Variants in PLCZ1 observed in about 807,000 individuals in gnomAD.
PLCZ1 encodes the protein 1-phosphatidylinositol 4,5-bisphosphate phosphodiesterase zeta-1.
Under a neutral mutation model 76.8 loss-of-function variants are expected in PLCZ1, and 64 were observed. The ratio of observed to expected loss-of-function variants is 0.83; its 90% CI spans 0.68 to 1.03. The LOEUF is 1.03. Ranked by LOEUF, PLCZ1 falls within the 50% of genes least tolerant of loss-of-function variation. The pLI, the probability that PLCZ1 is intolerant of heterozygous loss-of-function variation, is 0.00. For missense variants in PLCZ1, 751 were observed against 713.7 expected, an observed-to-expected ratio of 1.05 and a Z score of -0.60; for synonymous variants, 248 against 230.8, an observed-to-expected ratio of 1.07 and a Z score of -0.68.
At position 18,688,553 on chromosome 12, in the gene PLCZ1, CAT is replaced by C. The variant is rs138210697; in HGVS notation, c.1462-337_1462-336del. Among the ~76,000 whole-genome samples the C allele has an allele frequency of 2.9e-3, 420 of 146,232 alleles. 2 individuals are homozygous for C. Among genetic ancestry groups the C allele is most frequent in the African/African-American group, 6.6e-3 (264 of 40,264 alleles). On this transcript the variant is annotated intron_variant, in intron 12 of 14. Transcript: ENST00000266505. ...TCTGATAACGTACTGTTTTTGAATT[CAT>C]ATATATATATATATATGCTGGAAAA...
At position 18,684,112 on chromosome 12, in the gene PLCZ1, A is replaced by G; in HGVS notation, c.1741+18T>C. On this transcript the variant is annotated intron_variant, in intron 14 of 14. Transcript: ENST00000266505. ...TATTTAAATGCTGGTACAATCATCTAACTTTTAGGGACATTACCTTTGTTC... is the reference window on the plus strand; with the variant it reads ...TATTTAAATGCTGGTACAATCATCTGACTTTTAGGGACATTACCTTTGTTC... 6.2e-7 allele frequency: 1 copy of G among 1,610,148 alleles called. No homozygotes were observed.
At chr12:18,693,828 T>C (rs1397497767) in intron 12 of PLCZ1, 12 of 1,529,936 alleles carry the variant, frequency 7.8e-6, no homozygotes, top group Non-Finnish European at 1.1e-5. Context: ...GGCAGGAAGA[T>C]TGAGTTCCCC....
the PLCZ1 span, among the ~76,000 whole-genome samples, chr12:18,667,777 G>A: frequency 6.6e-6 from 1 of 152,240 alleles, no homozygotes; most frequent in South Asian, 2.1e-4. Flanking sequence ...GTTAAGAAAT[G>A]TCCTTGAGCC....
At chr12:18,678,765 T>G (rs1437765898), downstream of PLCZ1, among the ~76,000 whole-genome samples, 2 of 152,104 alleles carry the variant, frequency 1.3e-5, no homozygotes, top group Non-Finnish European at 2.9e-5. Flanking sequence ...TTGGGCTGTT[T>G]CCAGTTTGGG....
rs139415101 is a variant in PLCZ1, at chr12:18,692,988, T to C, written c.1461+1922A>G. On this transcript the variant is annotated intron_variant, in intron 12 of 14. Coordinates refer to ENST00000266505, the MANE Select transcript of PLCZ1 (RefSeq NM_033123.4). Reference sequence around the variant, plus strand: ...ACTGAAGTTAGAGAGAATTAAAGACTATCTTCTCATGGAGGAAGAATTCAT... The same window carrying C: ...ACTGAAGTTAGAGAGAATTAAAGACCATCTTCTCATGGAGGAAGAATTCAT... 1.2e-5 allele frequency: 16 copies of C among 1,383,168 alleles called. No homozygotes were observed. In the African/African-American group the frequency reaches 1.4e-4, roughly 12 times the overall value. The allele number at this position is 1,383,168 out of a possible 1,614,324, so 85.7% of individuals were successfully genotyped here.
chr12:18,678,760 C>T (rs1277074609), downstream of PLCZ1, among the ~76,000 whole-genome samples: 2 of 152,054 alleles, frequency 1.3e-5, no homozygotes, highest in Admixed American at 6.6e-5. Context: ...AACATTTGGG[C>T]TGTTTCCAGT....
downstream of PLCZ1, among the ~76,000 whole-genome samples, chr12:18,680,521 A>G (rs1404454345): frequency 1.3e-5 from 2 of 152,030 alleles, no homozygotes; most frequent in Non-Finnish European, 2.9e-5. Flanking sequence ...AAAAGTCCAG[A>G]TAAGTCTGGG....
chr12:18,719,798 G>A (rs958605554), intron 4 of PLCZ1, among the ~76,000 whole-genome samples, 166 bp from the exon 5 acceptor site: 1 of 151,900 alleles, frequency 6.6e-6, no homozygotes, highest in African/African-American at 2.4e-5. Context: ...ACAAATTTTT[G>A]TAGTAAAACC....
chr12:18,663,218 T>C, the PLCZ1 span, among the ~76,000 whole-genome samples: 1 of 152,102 alleles, frequency 6.6e-6, no homozygotes, highest in Non-Finnish European at 1.5e-5. Flanking sequence ...CTGGATACTC[T>C]ATCCAGAGCA....
At chr12:18,719,803 A>G (rs2137518869) in intron 4 of PLCZ1, among the ~76,000 whole-genome samples, 171 bp from the exon 5 acceptor site, 1 of 152,242 alleles carries the variant, frequency 6.6e-6, no homozygotes, top group Non-Finnish European at 1.5e-5. Context: ...TTTTTGTAGT[A>G]AAACCTTCAG....
intron 6 of PLCZ1, among the ~76,000 whole-genome samples, chr12:18,709,243 G>GC (rs1555187701): frequency 1.3e-5 from 2 of 151,814 alleles, no homozygotes; most frequent in Admixed American, 1.3e-4. Context: ...TCGAAATTCA[G>GC]TTTTTTCAGT....
At chr12:18,700,512 C>A (rs200833530) in intron 9 of PLCZ1, among the ~76,000 whole-genome samples, 83 of 67,890 alleles carry the variant, frequency 1.2e-3, no homozygotes, top group African/African-American at 3.8e-3. Flanking sequence ...AGCCAACGTA[C>A]AAAAAAAAAA....
At chr12:18,690,391 G>A (rs1036626987) in intron 12 of PLCZ1, among the ~76,000 whole-genome samples, 2 of 151,832 alleles carry the variant, frequency 1.3e-5, no homozygotes, top group Admixed American at 1.3e-4. Flanking sequence ...GCCCAGCTAA[G>A]TTTTTGTATG....
intron 9 of PLCZ1, 114 bp from the exon 10 acceptor site, chr12:18,700,064 T>A (rs749327857): frequency 8.5e-5 from 76 of 889,568 alleles, no homozygotes; most frequent in Admixed American, 4.3e-4. Context: ...TTCATAAGAT[T>A]ATCTCCTCAA....
the PLCZ1 span, among the ~76,000 whole-genome samples, chr12:18,650,347 ATGTGTGTGTG>A: frequency 0.018 from 2,021 of 114,544 alleles, 33 homozygotes; most frequent in African/African-American, 0.034. Context: ...ATATATATAT[ATGTGTGTGTG>A]TGTGTGTGTG....
the PLCZ1 span, among the ~76,000 whole-genome samples, chr12:18,650,663 A>AAT: frequency 0.11 from 5,337 of 50,752 alleles, 323 homozygotes; most frequent in African/African-American, 0.19. Context: ...CTGGAATATA[A>AAT]ATGTGTGTGT....
intron 4 of PLCZ1, among the ~76,000 whole-genome samples, chr12:18,722,352 C>T (rs74065908): frequency 1.7e-4 from 26 of 152,130 alleles, no homozygotes; most frequent in African/African-American, 6.3e-4. Context: ...ATATCTTCAG[C>T]CCCCAAAACC....
the PLCZ1 span, chr12:18,648,331 TTTAA>T: frequency 4.3e-6 from 1 of 231,812 alleles, no homozygotes; most frequent in Non-Finnish European, 8.5e-6. Flanking sequence ...TTACATTTGT[TTTAA>T]TTGTGTGCCT....
At chr12:18,655,080 T>G in the PLCZ1 span, among the ~76,000 whole-genome samples, 4 of 151,980 alleles carry the variant, frequency 2.6e-5, no homozygotes, top group Non-Finnish European at 4.4e-5. Flanking sequence ...AGGCTTTTGA[T>G]GTTTCTTGTT....
Sources: allele counts gnomAD v4.1 joint callset (sites outside exome capture counted in the v4.1 genomes callset), GRCh38; gene constraint gnomAD v4.1.1; transcripts MANE v1.5; gene names NCBI Gene and HGNC (gene_info 2026-07-23, HGNC 2026-07-21).